Variants in CNTN5 observed in about 807,000 individuals in gnomAD.
CNTN5 encodes contactin 5, also known as contactin-5.
CNTN5 carries 77 observed loss-of-function variants against 129.1 expected under a neutral mutation model. The observed-to-expected ratio is 0.60, with a 90% CI of 0.50 to 0.72. CNTN5 has a LOEUF of 0.72. CNTN5 is among the 30% of genes least tolerant of loss of function. CNTN5 has a pLI of 0.00. For missense variants in CNTN5, 1,478 were observed against 1,328.8 expected (o/e 1.11, Z -1.75); for synonymous variants, 509 against 465.6 (o/e 1.09, Z -1.20).
At chr11:99,577,249 T>C (rs370362353) in intron 3 of CNTN5, among the ~76,000 whole-genome samples, 5 of 152,016 alleles carry the variant, frequency 3.3e-5, no homozygotes, top group South Asian at 2.1e-4. Flanking sequence ...TCACATAGAG[T>C]TGTAGCTCTG....
chr11:99,555,268 A>G (rs1948627418), intron 2 of CNTN5, among the ~76,000 whole-genome samples: 1 of 152,056 alleles, frequency 6.6e-6, no homozygotes, highest in African/African-American at 2.4e-5. Context: ...TTCAAAAATC[A>G]TTGACATACT....
At chr11:99,368,190 A>C (rs7924989) in intron 2 of CNTN5, among the ~76,000 whole-genome samples, 152,111 of 152,216 alleles carry the variant, frequency 1, 76,003 homozygotes, top group Non-Finnish European at 1. Flanking sequence ...TTTTACTATT[A>C]CCATATTCCC....
At position 99,142,965 on chromosome 11, in the gene CNTN5, C is replaced by T. The variant is rs116079290; in HGVS notation, c.-210+121695C>T. Reference sequence around the variant, plus strand: ...GTGCTCAGCAGCCCCATGTTCCCAGCTTCTCTATCCTTCAATCCCTTCAGG... The same window carrying T: ...GTGCTCAGCAGCCCCATGTTCCCAGTTTCTCTATCCTTCAATCCCTTCAGG... On this transcript the variant is annotated intron_variant, in intron 1 of 24. Coordinates refer to ENST00000524871, the MANE Select transcript of CNTN5 (RefSeq NM_014361.4). 7.8e-3 allele frequency among the ~76,000 whole-genome samples: 1,194 copies of T among 152,288 alleles called. 19 individuals carry two copies. Among genetic ancestry groups the T allele is most frequent in the African/African-American group, 0.026 (1,098 of 41,564 alleles).
chr11:99,785,066 G>T (rs1412802544), intron 3 of CNTN5, among the ~76,000 whole-genome samples: 1 of 151,936 alleles, frequency 6.6e-6, no homozygotes, highest in Admixed American at 6.6e-5. Flanking sequence ...GCCTCCACCT[G>T]CCTATGCCTC....
intron 13 of CNTN5, among the ~76,000 whole-genome samples, chr11:100,129,637 A>G (rs1946309807): frequency 6.6e-6 from 1 of 152,114 alleles, no homozygotes. Context: ...GGTCTCTTTT[A>G]CATACATTTA....
In CNTN5 at chr11:99,762,278, C is replaced by T. The variant is rs1382858919; in HGVS notation, c.56-57266C>T. On this transcript the variant is annotated intron_variant, in intron 3 of 24. Transcript: ENST00000524871. ...GAAGCTCTTTAGTTTAATTAGATCC[C>T]ATTTGTCAATTTTGTCTTTTGTTGC... is the stretch of plus-strand genomic sequence containing the variant. Among the ~76,000 whole-genome samples, 8 of 148,326 alleles carry T rather than the reference C, an allele frequency of 5.4e-5. No individual in the cohort carries two copies. In the East Asian group the frequency reaches 1.2e-3, roughly 22 times the overall value.
At chr11:99,367,981 CCT>C (rs1385825111) in intron 2 of CNTN5, among the ~76,000 whole-genome samples, 1 of 152,022 alleles carries the variant, frequency 6.6e-6, no homozygotes, top group African/African-American at 2.4e-5. Flanking sequence ...TTTCTGAATA[CCT>C]CTGTTAAATT....
chr11:99,819,781 A>C lies in CNTN5; in HGVS notation c.277+16A>C, dbSNP rs1232089278. On this transcript the variant is annotated intron_variant, in intron 4 of 24. Coordinates refer to ENST00000524871, the MANE Select transcript of CNTN5 (RefSeq NM_014361.4). ...AAACAAGATGGTAAGTGTCAAAGGA[A>C]AATGGCTCCAGATAGAATAAAGGAG... is the stretch of plus-strand genomic sequence containing the variant. 2 of 1,505,740 alleles carry C rather than the reference A, an allele frequency of 1.3e-6. No homozygotes were observed. The highest frequency in any genetic ancestry group is 2.8e-5 in the African/African-American group (2 of 72,454). 93.3% of individuals were successfully genotyped at this position (1,505,740 alleles called of 1,614,324 possible).
chr11:99,442,579 C>G (rs1565585739), intron 2 of CNTN5, among the ~76,000 whole-genome samples: 1 of 152,102 alleles, frequency 6.6e-6, no homozygotes, highest in Non-Finnish European at 1.5e-5. Flanking sequence ...TTATTTTAAT[C>G]TTGATTATTT....
rs541311701 is a variant in CNTN5 at position 99,683,013 on chromosome 11, T to C, written c.55+126744T>C. On this transcript the variant is annotated intron_variant, in intron 3 of 24. Transcript: ENST00000524871. ...TAGTGTTGCCTTTTATTCTGTTGAA[T>C]TGTCTTATTGATCTGGAAGTATTTG... Among the ~76,000 whole-genome samples, 3 of 152,044 alleles carry C rather than the reference T, an allele frequency of 2.0e-5. No individual in the cohort carries two copies. In the South Asian group the frequency reaches 6.2e-4, roughly 31 times the overall value.
intron 6 of CNTN5, among the ~76,000 whole-genome samples, chr11:99,912,560 T>A (rs147466844): frequency 5.9e-5 from 9 of 152,068 alleles, no homozygotes; most frequent in Admixed American, 1.3e-4. Context: ...TTACATCTGA[T>A]CAATATGGCT....
intron 6 of CNTN5, among the ~76,000 whole-genome samples, chr11:99,894,530 C>A (rs79363188): frequency 0.072 from 6,712 of 93,568 alleles, 345 homozygotes; most frequent in East Asian, 0.31. Flanking sequence ...AAAAAAAAAA[C>A]CAAAAAACAA....
intron 2 of CNTN5, among the ~76,000 whole-genome samples, chr11:99,528,131 C>G (rs1947558263): frequency 6.6e-6 from 1 of 152,090 alleles, no homozygotes; most frequent in Non-Finnish European, 1.5e-5. Flanking sequence ...CTATCCTAAC[C>G]TTGAAAGATC....
intron 13 of CNTN5, among the ~76,000 whole-genome samples, chr11:100,109,403 G>T (rs907608511): frequency 1.3e-5 from 2 of 152,152 alleles, no homozygotes; most frequent in Admixed American, 1.3e-4. Flanking sequence ...TCTAGCCTGG[G>T]CTACAGAGCA....
chr11:100,235,816 G>A (rs1161966011), intron 16 of CNTN5, among the ~76,000 whole-genome samples: 2 of 152,242 alleles, frequency 1.3e-5, no homozygotes, highest in East Asian at 3.9e-4. Flanking sequence ...AATCCCCAGT[G>A]GGTACCAATT....
chr11:99,041,662 A>C (rs779500590), intron 1 of CNTN5, among the ~76,000 whole-genome samples: 2 of 152,216 alleles, frequency 1.3e-5, no homozygotes, highest in African/African-American at 4.8e-5. Flanking sequence ...TACTACAATA[A>C]TAAGTAGCAT....
chr11:99,479,769 C>G (rs1197383381), intron 2 of CNTN5, among the ~76,000 whole-genome samples: 1 of 151,886 alleles, frequency 6.6e-6, no homozygotes, highest in Non-Finnish European at 1.5e-5. Context: ...TATTAATTTT[C>G]ACCTCCAGCA....
intron 2 of CNTN5, among the ~76,000 whole-genome samples, chr11:99,418,424 A>C (rs912492589): frequency 1.3e-5 from 2 of 152,170 alleles, no homozygotes; most frequent in Admixed American, 6.6e-5. Flanking sequence ...GCCATTAAAG[A>C]CCTGGAAAGA....
chr11:99,571,332 A>G (rs1034825827), intron 3 of CNTN5, among the ~76,000 whole-genome samples: 3 of 152,196 alleles, frequency 2.0e-5, no homozygotes, highest in African/African-American at 7.2e-5. Context: ...AGCTGTATCA[A>G]TAATGCCTAG....
Sources: allele counts gnomAD v4.1 joint callset (sites outside exome capture counted in the v4.1 genomes callset), GRCh38; gene constraint gnomAD v4.1.1; transcripts MANE v1.5; gene names NCBI Gene and HGNC (gene_info 2026-07-23, HGNC 2026-07-21).